The following UQCRC1 variants were observed in gnomAD, a reference collection of about 807,000 sequenced individuals.
The protein encoded by UQCRC1 is ubiquinol-cytochrome c reductase core protein 1, also known as cytochrome b-c1 complex subunit 1, mitochondrial.
UQCRC1 carries 34 observed loss-of-function variants against 58.0 expected under a neutral mutation model. The ratio of observed to expected loss-of-function variants is 0.59; its 90% CI spans 0.45 to 0.78. The LOEUF (loss-of-function observed/expected upper bound fraction) is 0.78. Ranked by LOEUF, UQCRC1 falls within the 30% of genes least tolerant of loss-of-function variation. The pLI is 0.00. For synonymous variants in UQCRC1, 276 were observed against 248.8 expected (o/e 1.11, Z -1.03); for missense variants, 610 against 646.0 (o/e 0.94, Z 0.60).
chr3:48,605,502 G>A (rs1575513982), intron 3 of UQCRC1, among the ~76,000 whole-genome samples: 1 of 152,258 alleles, frequency 6.6e-6, no homozygotes, highest in East Asian at 1.9e-4. Context: ...GCATATCTAC[G>A]TGTGTTCCAC....
At position 48,599,672 on chromosome 3, in the gene UQCRC1, C is replaced by T. The variant is rs771576089; in HGVS notation, c.1341G>A (p.Lys447=). 1 of 1,613,956 alleles carries T rather than the reference C, an allele frequency of 6.2e-7. No individual in the cohort carries two copies. Among genetic ancestry groups the T allele is most frequent in the African/African-American group, 1.3e-5 (1 of 75,040 alleles). Residue 447 remains lysine (K), a synonymous_variant, in exon 12 of 13, where the codon AAG becomes AAA. Transcript: ENST00000203407. ...DASVVREICS[K]YIYDQCPAVA... is the part of the protein sequence containing the mutation. Reference sequence around the variant, plus strand: ...CTGCTGGGCACTGGTCATAGATGTACTTGGAGCAGATCTCACGTACCACAC... The same window carrying T: ...CTGCTGGGCACTGGTCATAGATGTATTTGGAGCAGATCTCACGTACCACAC...
At chr3:48,606,089 AC>A (rs1351613750) in intron 2 of UQCRC1, among the ~76,000 whole-genome samples, 6 of 152,298 alleles carry the variant, frequency 3.9e-5, no homozygotes, top group Non-Finnish European at 8.8e-5. Flanking sequence ...GCTATCAAGG[AC>A]CCACAGGGAC....
At chr3:48,605,727 A>C in intron 3 of UQCRC1, 43 bp downstream of exon 3, 1 of 1,583,886 alleles carries the variant, frequency 6.3e-7, no homozygotes, top group East Asian at 2.3e-5. Flanking sequence ...GAGGGACAAC[A>C]GGCAGCCCTA....
At chr3:48,604,933 G>C in intron 3 of UQCRC1, 153 bp from the exon 4 acceptor site, 2 of 1,158,662 alleles carry the variant, frequency 1.7e-6, no homozygotes, top group Non-Finnish European at 2.4e-6. Flanking sequence ...TGTTTACCAA[G>C]CACTAAGCAG....
chr3:48,600,944 G>A, intron 8 of UQCRC1, 31 bp downstream of exon 8: 1 of 1,601,606 alleles, frequency 6.2e-7, no homozygotes. Flanking sequence ...CTTCCCTGAA[G>A]GCGAGGTCCC....
At chr3:48,602,287 G>C (rs2046373343) in intron 6 of UQCRC1, among the ~76,000 whole-genome samples, 1 of 152,092 alleles carries the variant, frequency 6.6e-6, no homozygotes, top group African/African-American at 2.4e-5. Flanking sequence ...TCCTGATCTT[G>C]TGATCCGCCC....
intron 12 of UQCRC1, 68 bp downstream of exon 12, chr3:48,599,567 G>A: frequency 6.4e-7 from 1 of 1,551,456 alleles, no homozygotes; most frequent in Non-Finnish European, 8.9e-7. Flanking sequence ...CGGGAGCAGA[G>A]GTGGAAGGGG....
intron 2 of UQCRC1, among the ~76,000 whole-genome samples, 164 bp downstream of exon 2, chr3:48,608,998 A>T (rs529263450): frequency 8.7e-4 from 132 of 152,294 alleles, no homozygotes; most frequent in African/African-American, 3.1e-3. Flanking sequence ...CGTGAAGCCA[A>T]GGCGTGGCTA....
In UQCRC1 at chr3:48,609,633, G is replaced by GTGTAC; in HGVS notation, c.-14_-13insGTACA. 1 of 1,556,882 alleles carries GTGTAC rather than the reference G, an allele frequency of 6.4e-7. No homozygotes were observed. Among genetic ancestry groups the GTGTAC allele is most frequent in the Admixed American group, 1.8e-5 (1 of 54,090 alleles). The stretch of plus-strand genomic sequence containing the variant: ...CGGACGCCGCCATCTTCCAGCTGCA[G>GTGTAC]TCGGCCCTGTTGCGCCGCGCAAGCG... On this transcript the variant is annotated 5_prime_UTR_variant, in exon 1 of 13. Transcript: ENST00000203407.
At chr3:48,609,365 C>G in intron 1 of UQCRC1, 63 bp from the exon 2 acceptor site, 2 of 1,564,762 alleles carry the variant, frequency 1.3e-6, no homozygotes, top group South Asian at 2.3e-5. Flanking sequence ...CCTCCCAGGT[C>G]CTCAGGAGGA....
At chr3:48,600,277 C>A in intron 10 of UQCRC1, 126 bp from the exon 11 acceptor site, 1 of 1,161,488 alleles carries the variant, frequency 8.6e-7, no homozygotes, top group Non-Finnish European at 1.2e-6. Context: ...GATCACAGCC[C>A]TCTCTTCTAT....
Position 48,604,449 on chromosome 3 carries a change from A to C in UQCRC1, c.428-18T>G. On this transcript the variant is annotated intron_variant, in intron 4 of 12. Coordinates refer to ENST00000203407, the MANE Select transcript of UQCRC1 (RefSeq NM_003365.3). ...CTCCACAGCTAGATGCAAGGAGGAC[A>C]TGTTTAGGTGCCAGGTGGACCACTG... The C allele has an allele frequency of 6.2e-7, 1 of 1,612,530 alleles. No individual in the cohort carries two copies. The highest frequency in any genetic ancestry group is 1.7e-4 in the Middle Eastern group (1 of 6,002).
chr3:48,608,358 A>G (rs1184758844), intron 2 of UQCRC1, among the ~76,000 whole-genome samples: 1 of 152,250 alleles, frequency 6.6e-6, no homozygotes, highest in East Asian at 1.9e-4. Flanking sequence ...AATCTATAGT[A>G]TCCTTTGATT....
intron 2 of UQCRC1, among the ~76,000 whole-genome samples, chr3:48,608,641 C>G (rs2046434976): frequency 6.6e-6 from 1 of 152,216 alleles, no homozygotes; most frequent in Non-Finnish European, 1.5e-5. Flanking sequence ...TCTTGGGAAT[C>G]TTCTCACCTA....
At chr3:48,603,083 A>G (rs780947831) in intron 6 of UQCRC1, among the ~76,000 whole-genome samples, 16 of 152,066 alleles carry the variant, frequency 1.1e-4, no homozygotes, top group Admixed American at 2.0e-4. Flanking sequence ...ACCACCTTTC[A>G]GGCTTCTGTT....
chr3:48,600,182 ACCCAGCCCAAT>A (rs1429310767), intron 10 of UQCRC1, 31 bp from the exon 11 acceptor site: 3 of 1,610,988 alleles, frequency 1.9e-6, no homozygotes, highest in Non-Finnish European at 2.5e-6. Flanking sequence ...TCAGAGGTCC[ACCCAGCCCAAT>A]CCTGGACCCA....
intron 5 of UQCRC1, chr3:48,603,863 G>A (rs920162485): frequency 6.7e-6 from 4 of 597,594 alleles, no homozygotes; most frequent in African/African-American, 5.6e-5. Context: ...CTGACTTCAG[G>A]ACAGGCTCAT....
chr3:48,605,677 G>T, intron 3 of UQCRC1, 93 bp downstream of exon 3: 1 of 1,262,742 alleles, frequency 7.9e-7, no homozygotes, highest in Non-Finnish European at 1.1e-6. Context: ...CCGCAACTGA[G>T]GCCCATAATC....
At chr3:48,601,231 C>A in intron 7 of UQCRC1, 113 bp from the exon 8 acceptor site, 1 of 1,532,048 alleles carries the variant, frequency 6.5e-7, no homozygotes, top group South Asian at 1.2e-5. Flanking sequence ...TGTGATGCAG[C>A]AGCCACAGAA....
Sources: allele counts gnomAD v4.1 joint callset (sites outside exome capture counted in the v4.1 genomes callset), GRCh38; gene constraint gnomAD v4.1.1; transcripts MANE v1.5; gene names NCBI Gene and HGNC (gene_info 2026-07-23, HGNC 2026-07-21).